The following C14orf39 variants were observed in gnomAD, a reference collection of about 807,000 sequenced individuals.
The protein encoded by C14orf39 is protein SIX6OS1.
In C14orf39, 66 loss-of-function variants were observed where a neutral mutation model predicts 85.6. The observed-to-expected ratio is 0.77, with a 90% CI of 0.63 to 0.95. The LOEUF is 0.95. Ranked by LOEUF, C14orf39 falls within the 40% of genes least tolerant of loss-of-function variation. C14orf39 has a pLI of 0.00. For missense variants in C14orf39, 735 were observed against 663.9 expected (o/e 1.11, Z -1.18); for synonymous variants, 242 against 214.0 (o/e 1.13, Z -1.14).
chr14:60,509,242 C>A, intron 1 of C14orf39: 1 of 679,476 alleles, frequency 1.5e-6, no homozygotes, highest in Non-Finnish European at 2.6e-6. Context: ...GGGTCGTCCG[C>A]TCCCGGCCGT....
intron 2 of C14orf39, chr14:60,496,866 A>C (rs1452598035): frequency 6.6e-6 from 1 of 152,456 alleles, no homozygotes; most frequent in African/African-American, 2.4e-5. Flanking sequence ...CTGTGGTTTC[A>C]CCTGCTTGTT....
At chr14:60,464,031 A>G (rs1378614700) in intron 11 of C14orf39, among the ~76,000 whole-genome samples, 1 of 152,150 alleles carries the variant, frequency 6.6e-6, no homozygotes, top group Non-Finnish European at 1.5e-5. Context: ...TCCTGCAGAT[A>G]GAGGTACCCA....
chr14:60,501,297 C>A (rs1307506995), intron 1 of C14orf39, among the ~76,000 whole-genome samples: 2 of 133,100 alleles, frequency 1.5e-5, no homozygotes, highest in Non-Finnish European at 3.3e-5. Context: ...CAGAGCAAGA[C>A]CCTGTCTCCA....
chr14:60,495,046 CACA>C (rs1893049030), intron 2 of C14orf39: 1 of 203,992 alleles, frequency 4.9e-6, no homozygotes, highest in South Asian at 8.8e-5. Context: ...ACTGATGAGA[CACA>C]ACTTTATTGA....
chr14:60,511,128 G>C (rs752534682), intron 1 of C14orf39: 3 of 1,612,810 alleles, frequency 1.9e-6, no homozygotes, highest in Non-Finnish European at 2.5e-6. Context: ...CGGGCACTAC[G>C]GGCGGAGGGC....
intron 5 of C14orf39, among the ~76,000 whole-genome samples, chr14:60,472,514 T>G (rs1476736559): frequency 6.6e-6 from 1 of 152,162 alleles, no homozygotes; most frequent in African/African-American, 2.4e-5. Flanking sequence ...ACTCGTCATT[T>G]AGCATTAGAT....
chr14:60,494,536 G>A (rs1231707232), intron 2 of C14orf39: 4 of 152,320 alleles, frequency 2.6e-5, no homozygotes, highest in Non-Finnish European at 5.9e-5. Context: ...TAGGTTGGCT[G>A]TGCTTGTATA....
chr14:60,498,152 A>T (rs944233986), intron 2 of C14orf39, among the ~76,000 whole-genome samples: 10 of 152,152 alleles, frequency 6.6e-5, no homozygotes, highest in African/African-American at 2.4e-4. Context: ...AGTATTTTTC[A>T]TATTTCATTT....
At chr14:60,478,765 G>A (rs1892509950) in intron 4 of C14orf39, among the ~76,000 whole-genome samples, 1 of 151,908 alleles carries the variant, frequency 6.6e-6, no homozygotes, top group Admixed American at 6.6e-5. Context: ...AATTCTTTTG[G>A]AGTAAGCATT....
rs1436450402 is a variant in C14orf39 at position 60,491,371 on chromosome 14, T to A, written c.-8-6285A>T. ...CCTCAAGCCCTTTTATAGGCACTAA[T>A]ACTAAGCCCTCATCACGCCTCTTAA... On this transcript the variant is annotated intron_variant, in intron 2 of 5. Transcript: ENST00000556799. The surrounding 1 kb of genome is among the most constrained non-coding windows in gnomAD (Gnocchi z 4.5). 6.6e-6 allele frequency among the ~76,000 whole-genome samples: 1 copy of A among 152,156 alleles called. No homozygotes were observed. Among genetic ancestry groups the A allele is most frequent in the Non-Finnish European group, 1.5e-5 (1 of 68,026 alleles).
rs916611445 is a variant in C14orf39 at position 60,484,994 on chromosome 14, T to C, written c.49+36A>G. 3.1e-6 allele frequency: 5 copies of C among 1,587,300 alleles called. No homozygotes were observed. Among genetic ancestry groups the C allele is most frequent in the African/African-American group, 2.7e-5 (2 of 73,190 alleles). On this transcript the variant is annotated intron_variant, in intron 2 of 17. Transcript: ENST00000321731. This position sits in a 1 kb window ranked among gnomAD's most constrained non-coding sequence, Gnocchi z 4.2. ...TCATTGTTAAAATATCAAATGATCA[T>C]ACAAAAAGCTACCTATTTTTTCACT... is the stretch of plus-strand genomic sequence containing the variant.
At chr14:60,511,032 G>A (rs1446111091) in intron 1 of C14orf39, 2 of 1,582,558 alleles carry the variant, frequency 1.3e-6, no homozygotes, top group South Asian at 1.1e-5. Flanking sequence ...GGGGGCGGGC[G>A]ACGGGCGGCT....
chr14:60,505,923 T>C (rs757012489), intron 1 of C14orf39, among the ~76,000 whole-genome samples: 2 of 152,116 alleles, frequency 1.3e-5, no homozygotes, highest in Non-Finnish European at 2.9e-5. Flanking sequence ...GAGATCCCCA[T>C]ATGTGCAGAA....
intron 2 of C14orf39, among the ~76,000 whole-genome samples, chr14:60,492,892 A>G (rs1042312779): frequency 2.0e-5 from 3 of 152,222 alleles, no homozygotes; most frequent in African/African-American, 4.8e-5. Flanking sequence ...AAAAATCTTC[A>G]TAATTACATG....
rs1434580323 is a variant in C14orf39 at position 60,483,927 on chromosome 14, G to C, written c.107-110C>G. On this transcript the variant is annotated intron_variant, in intron 3 of 17. Transcript: ENST00000321731. ...CTTACCTAAAAGGAAGAGAGCCAGAGAATGGAGAGGAAACGAGGCTTGAGA... is the reference window on the plus strand; with the variant it reads ...CTTACCTAAAAGGAAGAGAGCCAGACAATGGAGAGGAAACGAGGCTTGAGA... The C allele has an allele frequency of 7.2e-6, 5 of 695,318 alleles. No individual in the cohort carries two copies. The Admixed American group carries it at 1.7e-4, about 23-fold the overall frequency. 43.1% of individuals were successfully genotyped at this position (695,318 alleles called of 1,614,324 possible). A position where few individuals can be genotyped will look rare whatever the true frequency, so the allele number is the denominator to read the frequency against.
rs200089690 is a variant in C14orf39 at position 60,462,164 on chromosome 14, C to CA, written c.973-572dup. Among the ~76,000 whole-genome samples, 864 of 151,866 alleles carry CA rather than the reference C, an allele frequency of 5.7e-3. 18 individuals carry two copies. The highest frequency in any genetic ancestry group is 0.02 in the African/African-American group (812 of 41,394). On this transcript the variant is annotated intron_variant, in intron 11 of 17. Transcript: ENST00000321731. ...TGAGGCCGGAGGATCACTTGAGCAC[C>CA]AGGAGTTCAAGACCAGCCTGTACAA...
At chr14:60,496,213 C>A in intron 2 of C14orf39, 2 of 422,014 alleles carry the variant, frequency 4.7e-6, no homozygotes, top group South Asian at 3.6e-5. Flanking sequence ...CATCTGAATT[C>A]AGATCTGCTG....
At chr14:60,455,850 G>C (rs957405162) in intron 15 of C14orf39, among the ~76,000 whole-genome samples, 1 of 152,086 alleles carries the variant, frequency 6.6e-6, no homozygotes, top group Non-Finnish European at 1.5e-5. Context: ...GCAGTGCCTT[G>C]CACAGTTTGT....
At position 60,513,363 on chromosome 14, in the gene C14orf39, G is replaced by A. The variant is rs1442386660; in HGVS notation, c.-144+2032C>T. Among the ~76,000 whole-genome samples, 4 of 152,306 alleles carry A rather than the reference G, an allele frequency of 2.6e-5. No homozygotes were observed. In the East Asian group the frequency reaches 7.7e-4, roughly 29 times the overall value. On this transcript the variant is annotated intron_variant, in intron 1 of 5. Transcript: ENST00000556799. The stretch of plus-strand genomic sequence containing the variant: ...GTTCCTAGAATGCTAACGAGGGGCT[G>A]GCGAGGACTAGAGTGAGGCCAGGAG...
Sources: gnomAD v4.1 joint callset for allele counts (sites outside exome capture counted in the v4.1 genomes callset) on GRCh38, gnomAD v4.1.1 for gene constraint, Gnocchi (gnomAD v3.1) non-coding constraint, MANE v1.5 for transcripts, NCBI Gene and HGNC (gene_info 2026-07-23, HGNC 2026-07-21) for gene names.